FRS2: variants seen among roughly 807,000 people sequenced by gnomAD.
FRS2 encodes fibroblast growth factor receptor substrate 2.
Under a neutral mutation model 43.9 loss-of-function variants are expected in FRS2, and 8 were observed. The ratio of observed to expected loss-of-function variants is 0.18; its 90% CI spans 0.11 to 0.33. FRS2 has a LOEUF of 0.33. Ranked by LOEUF, FRS2 falls within the 10% of genes least tolerant of loss-of-function variation. FRS2 has a pLI of 1.00. For missense variants in FRS2, 534 were observed against 627.6 expected, an observed-to-expected ratio of 0.85 and a Z score of 1.59; for synonymous variants, 219 against 220.3, an observed-to-expected ratio of 0.99 and a Z score of 0.05.
At chr12:69,524,390 G>C (rs573631) in intron 1 of FRS2, among the ~76,000 whole-genome samples, 3 of 151,944 alleles carry the variant, frequency 2.0e-5, no homozygotes, top group African/African-American at 7.2e-5. Flanking sequence ...CAGCACAGGG[G>C]AGGGCACAGT....
intron 3 of FRS2, chr12:69,557,807 C>G (rs1284469867): frequency 1.3e-5 from 2 of 151,972 alleles, no homozygotes; most frequent in African/African-American, 2.4e-5. Flanking sequence ...TAGATACGTA[C>G]CAAGATTAAC....
At chr12:69,536,288 C>G (rs957333723) in intron 3 of FRS2, among the ~76,000 whole-genome samples, 1 of 151,520 alleles carries the variant, frequency 6.6e-6, no homozygotes, top group African/African-American at 2.4e-5. Context: ...CCATGCCTGG[C>G]TAATTTCTGT....
intron 1 of FRS2, among the ~76,000 whole-genome samples, chr12:69,518,590 T>G (rs986311682): frequency 7.2e-5 from 11 of 152,032 alleles, no homozygotes; most frequent in African/African-American, 2.4e-4. Flanking sequence ...GGCACATGCC[T>G]GTAGTCCCAG....
intron 3 of FRS2, among the ~76,000 whole-genome samples, chr12:69,539,991 C>T (rs967625744): frequency 3.4e-5 from 5 of 146,644 alleles, no homozygotes; most frequent in African/African-American, 1.0e-4. Context: ...TGGTGGCTCA[C>T]GCCTGTAATC....
intron 3 of FRS2, among the ~76,000 whole-genome samples, chr12:69,545,637 A>G (rs1005821202): frequency 1.3e-5 from 2 of 151,794 alleles, no homozygotes; most frequent in Non-Finnish European, 2.9e-5. Context: ...GACGCCTGTA[A>G]TCTCAGCTAT....
At chr12:69,479,358 A>G (rs1871147066) in intron 1 of FRS2, among the ~76,000 whole-genome samples, 1 of 143,216 alleles carries the variant, frequency 7.0e-6, no homozygotes, top group African/African-American at 2.6e-5. Context: ...ACACAGTGTG[A>G]TTGACAGTCC....
At chr12:69,490,575 G>A (rs1187826045) in intron 1 of FRS2, among the ~76,000 whole-genome samples, 2 of 151,786 alleles carry the variant, frequency 1.3e-5, no homozygotes, top group African/African-American at 4.8e-5. Context: ...ATAGCCATTT[G>A]AGATCTAGAC....
chr12:69,571,531 C>T, intron 7 of FRS2, 97 bp downstream of exon 7: 1 of 951,296 alleles, frequency 1.1e-6, no homozygotes, highest in East Asian at 2.5e-5. Context: ...TAGAAATCAC[C>T]ACTGGATAAC....
chr12:69,527,977 G>A (rs892532719), intron 1 of FRS2, among the ~76,000 whole-genome samples: 1 of 151,524 alleles, frequency 6.6e-6, no homozygotes, highest in Non-Finnish European at 1.5e-5. Flanking sequence ...AATGCTTTAT[G>A]TACCTTAAAG....
chr12:69,484,315 A>C (rs1005830185), intron 1 of FRS2, among the ~76,000 whole-genome samples: 1 of 152,030 alleles, frequency 6.6e-6, no homozygotes, highest in Non-Finnish European at 1.5e-5. Flanking sequence ...CGATCTCCTG[A>C]CCTTGTGATC....
chr12:69,483,700 AT>A (rs1871558637), intron 1 of FRS2, among the ~76,000 whole-genome samples: 4 of 152,362 alleles, frequency 2.6e-5, no homozygotes, highest in African/African-American at 9.6e-5. Context: ...ATATAAAAAA[AT>A]AAATTAAGCT....
chr12:69,471,714 G>A (rs1475320084), intron 1 of FRS2, among the ~76,000 whole-genome samples: 3 of 152,246 alleles, frequency 2.0e-5, no homozygotes, highest in Non-Finnish European at 4.4e-5. Flanking sequence ...TTTTATAAGG[G>A]AATGCAGTTA....
intron 8 of FRS2, among the ~76,000 whole-genome samples, chr12:69,572,571 A>G (rs1338276818): frequency 6.6e-6 from 1 of 152,204 alleles, no homozygotes; most frequent in Admixed American, 6.5e-5. Context: ...AGAATGTCCA[A>G]TGGATTAAGA....
Position 69,550,057 on chromosome 12 carries a change from GTATTTC to G in FRS2, c.-121-12117_-121-12112del, listed in dbSNP as rs1215510069. 3.9e-5 allele frequency among the ~76,000 whole-genome samples: 6 copies of G among 152,236 alleles called. No individual in the cohort carries two copies. In the East Asian group the frequency reaches 9.6e-4, roughly 24 times the overall value. ...AAATCTCTCTCCCATCTCCACACCT[GTATTTC>G]TATTTGTTGAGCATCTCCATTTGGA... On this transcript the variant is annotated intron_variant, in intron 3 of 8. Coordinates refer to ENST00000549921, the MANE Select transcript of FRS2 (RefSeq NM_001278356.2).
chr12:69,487,555 T>A (rs1371697215), intron 1 of FRS2, among the ~76,000 whole-genome samples: 1 of 152,240 alleles, frequency 6.6e-6, no homozygotes, highest in Non-Finnish European at 1.5e-5. Context: ...ATGTACCTGG[T>A]CACTCAAGAG....
intron 3 of FRS2, among the ~76,000 whole-genome samples, chr12:69,550,084 T>C (rs1242338306): frequency 6.6e-6 from 1 of 152,234 alleles, no homozygotes; most frequent in Non-Finnish European, 1.5e-5. Flanking sequence ...GCATCTCCAT[T>C]TGGATGTCTC....
intron 1 of FRS2, among the ~76,000 whole-genome samples, chr12:69,482,028 T>C (rs1459289227): frequency 6.6e-6 from 1 of 151,418 alleles, no homozygotes; most frequent in Non-Finnish European, 1.5e-5. Context: ...AAACTAAGTG[T>C]AGTAATAATA....
At chr12:69,529,029 A>G (rs1876534120) in intron 1 of FRS2, among the ~76,000 whole-genome samples, 1 of 152,188 alleles carries the variant, frequency 6.6e-6, no homozygotes, top group African/African-American at 2.4e-5. Context: ...ATAGCAGATC[A>G]TGGTCTTTAT....
intron 1 of FRS2, among the ~76,000 whole-genome samples, chr12:69,494,201 T>C (rs2120982984): frequency 6.6e-6 from 1 of 152,368 alleles, no homozygotes; most frequent in Middle Eastern, 3.4e-3. Flanking sequence ...AGGACTCTTA[T>C]CTTCAAGTTC....
Sources: allele counts gnomAD v4.1 joint callset (sites outside exome capture counted in the v4.1 genomes callset), GRCh38; gene constraint gnomAD v4.1.1; transcripts MANE v1.5; gene names NCBI Gene and HGNC (gene_info 2026-07-23, HGNC 2026-07-21).